The following KCNQ3 variants were observed in gnomAD, a reference collection of about 807,000 sequenced individuals.
The protein encoded by KCNQ3 is potassium voltage-gated channel subfamily KQT member 3.
In KCNQ3, 30 loss-of-function variants were observed where a neutral mutation model predicts 92.5. The observed-to-expected ratio is 0.32, with a 90% CI of 0.24 to 0.44. KCNQ3 has a LOEUF of 0.44. Among genes scored for constraint, KCNQ3 ranks in the 20% least tolerant of loss-of-function variants. The pLI is 1.00. For synonymous variants in KCNQ3, 450 were observed against 468.8 expected (o/e 0.96, Z 0.52); for missense variants, 913 against 1,140.3 (o/e 0.80, Z 2.87).
chr8:132,445,965 A>T (rs1821666226), intron 1 of KCNQ3, among the ~76,000 whole-genome samples: 1 of 152,206 alleles, frequency 6.6e-6, no homozygotes, highest in Non-Finnish European at 1.5e-5. Flanking sequence ...TCCATCTTAC[A>T]TGCCCATATG....
At position 132,175,603 on chromosome 8, in the gene KCNQ3, G is replaced by A; in HGVS notation, c.783C>T (p.Leu261=). 1 of 1,614,022 alleles carries A rather than the reference G, an allele frequency of 6.2e-7. No individual in the cohort carries two copies. Among genetic ancestry groups the A allele is most frequent in the Non-Finnish European group, 8.5e-7 (1 of 1,179,946 alleles). ...GSAICAHSKE[L]ITAWYIGFLT... ...GGAAACCGATGTACCAGGCCGTGAT[G>A]AGTTCCTGAAAGAATGAACAGTGGA... Residue 261 remains leucine, a synonymous_variant, in exon 5 of 15, where the codon CTC becomes CTT. Coordinates refer to ENST00000388996, the MANE Select transcript of KCNQ3 (RefSeq NM_004519.4).
intron 1 of KCNQ3, among the ~76,000 whole-genome samples, chr8:132,347,708 T>C (rs1818736939): frequency 6.6e-6 from 1 of 152,122 alleles, no homozygotes; most frequent in South Asian, 2.1e-4. Flanking sequence ...CCGGGCGCAG[T>C]GGCTCACGCC....
At chr8:132,467,540 T>C (rs1038104653) in intron 1 of KCNQ3, among the ~76,000 whole-genome samples, 6 of 152,068 alleles carry the variant, frequency 3.9e-5, no homozygotes, top group Admixed American at 6.5e-5. Context: ...GGATCTTAGC[T>C]CTGGGATTTC....
intron 1 of KCNQ3, among the ~76,000 whole-genome samples, chr8:132,445,356 G>C (rs1243222041): frequency 1.3e-5 from 2 of 152,150 alleles, no homozygotes; most frequent in African/African-American, 4.8e-5. Context: ...CCATGGCCCA[G>C]GGCAGCACAG....
At chr8:132,188,982 G>T (rs1312751764) in intron 1 of KCNQ3, among the ~76,000 whole-genome samples, 7 of 152,226 alleles carry the variant, frequency 4.6e-5, no homozygotes, top group African/African-American at 1.4e-4. Flanking sequence ...AGGTGCAAAA[G>T]TTCATGGACA....
At chr8:132,198,697 C>T (rs996035556) in intron 1 of KCNQ3, among the ~76,000 whole-genome samples, 2 of 152,044 alleles carry the variant, frequency 1.3e-5, no homozygotes, top group Non-Finnish European at 2.9e-5. Context: ...ATCCCAGCTA[C>T]TTGGGAGGCT....
In KCNQ3 at chr8:132,129,118, G is replaced by T; in HGVS notation, c.*144C>A. ...CATGGGGAGGAAGAGGCTGTGGGAA[G>T]CCCCTGCCTGGGTGGGGCCACCACG... On this transcript the variant is annotated 3_prime_UTR_variant, in exon 15 of 15. Transcript: ENST00000388996. This position sits in a 1 kb window ranked among gnomAD's most constrained non-coding sequence, Gnocchi z 5.9. The T allele has an allele frequency of 1.1e-6, 1 of 882,892 alleles. No individual in the cohort carries two copies. Among genetic ancestry groups the T allele is most frequent in the Non-Finnish European group, 1.8e-6 (1 of 567,858 alleles). The allele number at this position is 882,892 out of a possible 1,614,324, so 54.7% of individuals were successfully genotyped here.
intron 1 of KCNQ3, among the ~76,000 whole-genome samples, chr8:132,189,186 T>G (rs1164855450): frequency 6.6e-6 from 1 of 152,182 alleles, no homozygotes; most frequent in East Asian, 1.9e-4. Context: ...ACTTTTGCCA[T>G]GTCCCCATCA....
intron 1 of KCNQ3, among the ~76,000 whole-genome samples, chr8:132,423,583 C>T (rs542383433): frequency 1.2e-4 from 18 of 152,332 alleles, no homozygotes; most frequent in Non-Finnish European, 2.2e-4. Context: ...TCACTAACAG[C>T]TTCTATCTCA....
intron 1 of KCNQ3, among the ~76,000 whole-genome samples, chr8:132,429,596 C>T (rs575178375): frequency 6.6e-6 from 1 of 152,252 alleles, no homozygotes; most frequent in African/African-American, 2.4e-5. Context: ...TGCAGTGGCT[C>T]ACGCCTGTAA....
chr8:132,478,286 A>G (rs1822460040), intron 1 of KCNQ3, among the ~76,000 whole-genome samples: 2 of 152,160 alleles, frequency 1.3e-5, no homozygotes, highest in East Asian at 3.9e-4. Flanking sequence ...TGGACAAGGC[A>G]GGGCTGGAGG....
At chr8:132,172,431 C>CACACACACAG (rs777793487) in intron 7 of KCNQ3, among the ~76,000 whole-genome samples, 167 bp downstream of exon 7, 24 of 150,810 alleles carry the variant, frequency 1.6e-4, no homozygotes, top group Non-Finnish European at 3.0e-4. Context: ...CACACACACA[C>CACACACACAG]ACACAGACAC....
chr8:132,346,652 A>T (rs1818697116), intron 1 of KCNQ3, among the ~76,000 whole-genome samples: 1 of 152,256 alleles, frequency 6.6e-6, no homozygotes, highest in Admixed American at 6.5e-5. Flanking sequence ...AACTCTGAGC[A>T]AACTCCTTCA....
chr8:132,457,933 A>G (rs1821978176), intron 1 of KCNQ3, among the ~76,000 whole-genome samples: 1 of 152,168 alleles, frequency 6.6e-6, no homozygotes, highest in Non-Finnish European at 1.5e-5. Context: ...AGCAGAGCCC[A>G]CACTGTTGTG....
chr8:132,304,447 T>G (rs6471055), intron 1 of KCNQ3, among the ~76,000 whole-genome samples: 119,143 of 152,128 alleles, frequency 0.78, 47,259 homozygotes, highest in African/African-American at 0.89. Flanking sequence ...TCTTAACTTC[T>G]CCAGGGCTCA....
intron 1 of KCNQ3, among the ~76,000 whole-genome samples, chr8:132,373,771 A>G (rs2130742362): frequency 6.6e-6 from 1 of 152,290 alleles, no homozygotes; most frequent in Middle Eastern, 3.4e-3. Context: ...GCTCTGCCGA[A>G]CGACTACAAG....
Position 132,340,349 on chromosome 8 carries a change from T to C in KCNQ3, c.386+139798A>G, listed in dbSNP as rs184903362. ...CAGGACTATTTACAATAGCAAAGAC[T>C]TGGAACCAACCCGAATGCCTGTCAA... On this transcript the variant is annotated intron_variant, in intron 1 of 14. Coordinates refer to ENST00000388996, the MANE Select transcript of KCNQ3 (RefSeq NM_004519.4). 4.7e-4 allele frequency among the ~76,000 whole-genome samples: 72 copies of C among 152,264 alleles called. 2 individuals carry two copies. The highest frequency in any genetic ancestry group is 1.5e-3 in the African/African-American group (64 of 41,562).
intron 1 of KCNQ3, among the ~76,000 whole-genome samples, chr8:132,439,385 T>G (rs1381810744): frequency 6.6e-6 from 1 of 151,996 alleles, no homozygotes; most frequent in African/African-American, 2.4e-5. Context: ...GACCGCGGCT[T>G]CATGGCAAGC....
At chr8:132,162,491 G>A (rs567255536) in intron 9 of KCNQ3, among the ~76,000 whole-genome samples, 1 of 152,234 alleles carries the variant, frequency 6.6e-6, no homozygotes, top group South Asian at 2.1e-4. Context: ...GATCTCTGTG[G>A]TGTCCTTTCA....
Sources: gnomAD v4.1 joint callset for allele counts (sites outside exome capture counted in the v4.1 genomes callset) on GRCh38, gnomAD v4.1.1 for gene constraint, Gnocchi (gnomAD v3.1) non-coding constraint, MANE v1.5 for transcripts, NCBI Gene and HGNC (gene_info 2026-07-23, HGNC 2026-07-21) for gene names.